Variants in SKAP2 observed in about 807,000 individuals in gnomAD.
The protein encoded by SKAP2 is src kinase associated phosphoprotein 2, also known as src kinase-associated phosphoprotein 2.
In SKAP2, 28 loss-of-function variants were observed where a neutral mutation model predicts 54.9. That is an observed-to-expected ratio of 0.51 (90% CI 0.38 to 0.70). SKAP2 has a LOEUF of 0.70. Among genes scored for constraint, SKAP2 ranks in the 30% least tolerant of loss-of-function variants. SKAP2 has a pLI of 0.00. For synonymous variants in SKAP2, 137 were observed against 134.3 expected (o/e 1.02, Z -0.14); for missense variants, 356 against 424.1 (o/e 0.84, Z 1.41).
intron 4 of SKAP2, among the ~76,000 whole-genome samples, chr7:26,777,665 C>G (rs918056899): frequency 5.3e-5 from 8 of 152,126 alleles, no homozygotes; most frequent in Non-Finnish European, 8.8e-5. Context: ...CAGAAAGCAG[C>G]TGCTCCTTGT....
intron 4 of SKAP2, among the ~76,000 whole-genome samples, chr7:26,758,933 G>A (rs754275091): frequency 6.6e-6 from 1 of 152,128 alleles, no homozygotes; most frequent in Non-Finnish European, 1.5e-5. Context: ...ACGTCCACAT[G>A]AACTAGACAT....
At chr7:26,742,664 T>TA (rs1782477926) in intron 4 of SKAP2, among the ~76,000 whole-genome samples, 1 of 152,174 alleles carries the variant, frequency 6.6e-6, no homozygotes, top group Admixed American at 6.5e-5. Flanking sequence ...AATTTCATTT[T>TA]TCTAAACCTT....
chr7:26,711,386 C>T (rs1434022792), intron 9 of SKAP2, among the ~76,000 whole-genome samples: 5 of 152,052 alleles, frequency 3.3e-5, no homozygotes, highest in Non-Finnish European at 7.4e-5. Context: ...CCACCCTATA[C>T]CTTGCAGATA....
intron 6 of SKAP2, among the ~76,000 whole-genome samples, chr7:26,730,525 T>C (rs929587257): frequency 2.6e-5 from 4 of 152,204 alleles, no homozygotes; most frequent in Admixed American, 2.0e-4. Context: ...TTTCTTAACA[T>C]AGTATCATTT....
At chr7:26,793,984 T>C (rs755608785) in intron 4 of SKAP2, among the ~76,000 whole-genome samples, 1 of 152,170 alleles carries the variant, frequency 6.6e-6, no homozygotes, top group Non-Finnish European at 1.5e-5. Context: ...TGGTTAAGTA[T>C]CTACAGAAAT....
At chr7:26,771,641 C>A (rs114699583) in intron 4 of SKAP2, among the ~76,000 whole-genome samples, 4,069 of 152,170 alleles carry the variant, frequency 0.027, 178 homozygotes, top group African/African-American at 0.093. Context: ...TTAATATTTA[C>A]TTTCTTTACC....
At chr7:26,663,517 C>A (rs1216572834), downstream of SKAP2, among the ~76,000 whole-genome samples, 1 of 152,110 alleles carries the variant, frequency 6.6e-6, no homozygotes, top group Non-Finnish European at 1.5e-5. Flanking sequence ...TCTTCTTAAA[C>A]AAATTCATAT....
intron 4 of SKAP2, among the ~76,000 whole-genome samples, chr7:26,815,124 G>A (rs1049457956): frequency 6.6e-6 from 1 of 151,250 alleles, no homozygotes; most frequent in Non-Finnish European, 1.5e-5. Context: ...TTTTTAAGGG[G>A]ATAAAGTATT....
downstream of SKAP2, among the ~76,000 whole-genome samples, chr7:26,664,358 C>T (rs897346589): frequency 3.3e-5 from 5 of 152,156 alleles, no homozygotes; most frequent in African/African-American, 1.2e-4. Flanking sequence ...ACTAGTCTGA[C>T]TTAAACTGTT....
At chr7:26,656,842 C>CA in the SKAP2 span, among the ~76,000 whole-genome samples, 4,154 of 145,678 alleles carry the variant, frequency 0.029, 92 homozygotes, top group African/African-American at 0.069. Context: ...GGCCCCAGTG[C>CA]AAAAAAAAAA....
chr7:26,843,879 C>A lies in SKAP2; in HGVS notation c.307+151G>T, dbSNP rs530176137. On this transcript the variant is annotated intron_variant, in intron 4 of 12. Coordinates refer to ENST00000345317, the MANE Select transcript of SKAP2 (RefSeq NM_003930.5). ...ACTTAGGAAAACCTCACCAGAACCA[C>A]TAGAGAGAGCTCTTCTGTTCCTTAA... The A allele has an allele frequency of 7.7e-5, 39 of 509,576 alleles. No homozygotes were observed. The East Asian group carries it at 1.2e-3, about 15-fold the overall frequency. 31.6% of individuals were successfully genotyped at this position (509,576 alleles called of 1,614,324 possible). A position where few individuals can be genotyped will look rare whatever the true frequency, so the allele number is the denominator to read the frequency against.
chr7:26,688,605 T>C (rs566205125), intron 10 of SKAP2, among the ~76,000 whole-genome samples: 1 of 152,336 alleles, frequency 6.6e-6, no homozygotes, highest in South Asian at 2.1e-4. Context: ...ATTAAAACTG[T>C]TGCTTGAAAA....
chr7:26,789,386 C>A (rs1783626911), intron 4 of SKAP2, among the ~76,000 whole-genome samples: 1 of 152,192 alleles, frequency 6.6e-6, no homozygotes, highest in South Asian at 2.1e-4. Flanking sequence ...AAGACCATAT[C>A]ATATTCAGGT....
rs551301300 is a variant in SKAP2 at position 26,821,071 on chromosome 7, C to T, written c.307+22959G>A. Among the ~76,000 whole-genome samples, 48 of 152,162 alleles carry T rather than the reference C, an allele frequency of 3.2e-4. 1 individual carries two copies. The South Asian group carries it at 9.5e-3, about 30-fold the overall frequency. On this transcript the variant is annotated intron_variant, in intron 4 of 12. Coordinates refer to ENST00000345317, the MANE Select transcript of SKAP2 (RefSeq NM_003930.5). Reference sequence around the variant, plus strand: ...AGGATACAATAATCTGTGCATTTGACGACAACAGTACTATTTACTCATGAC... The same window carrying T: ...AGGATACAATAATCTGTGCATTTGATGACAACAGTACTATTTACTCATGAC...
At chr7:26,703,180 G>T (rs1258434342) in intron 9 of SKAP2, among the ~76,000 whole-genome samples, 3 of 152,122 alleles carry the variant, frequency 2.0e-5, no homozygotes, top group Non-Finnish European at 4.4e-5. Context: ...AGAAGAAGAA[G>T]AATTGTCTTG....
At chr7:26,739,347 T>C (rs921348881) in intron 5 of SKAP2, among the ~76,000 whole-genome samples, 2 of 152,210 alleles carry the variant, frequency 1.3e-5, no homozygotes, top group Non-Finnish European at 2.9e-5. Flanking sequence ...GAAAAGACTG[T>C]CTGCTTTTCA....
intron 4 of SKAP2, among the ~76,000 whole-genome samples, chr7:26,808,251 T>C (rs951678635): frequency 6.6e-6 from 1 of 152,188 alleles, no homozygotes; most frequent in Non-Finnish European, 1.5e-5. Context: ...GGATAAATTT[T>C]GGTATACATA....
At chr7:26,808,495 T>A (rs562281671) in intron 4 of SKAP2, among the ~76,000 whole-genome samples, 1 of 152,172 alleles carries the variant, frequency 6.6e-6, no homozygotes, top group Non-Finnish European at 1.5e-5. Context: ...TACTGTTTAA[T>A]GGATACAGAG....
At chr7:26,729,804 T>C (rs1787784994) in intron 6 of SKAP2, among the ~76,000 whole-genome samples, 1 of 152,016 alleles carries the variant, frequency 6.6e-6, no homozygotes, top group African/African-American at 2.4e-5. Flanking sequence ...GAGTAATAAA[T>C]AAATGCCAAT....
Sources: allele counts gnomAD v4.1 joint callset (sites outside exome capture counted in the v4.1 genomes callset), GRCh38; gene constraint gnomAD v4.1.1; transcripts MANE v1.5; gene names NCBI Gene and HGNC (gene_info 2026-07-23, HGNC 2026-07-21).